The following REEP3 variants were observed in gnomAD, a reference collection of about 807,000 sequenced individuals.
REEP3 encodes receptor expression-enhancing protein 3.
A neutral mutation model predicts 41.3 loss-of-function variants in REEP3; 20 were observed. The observed-to-expected ratio is 0.48, with a 90% CI of 0.34 to 0.70. The LOEUF (loss-of-function observed/expected upper bound fraction) is 0.70. Ranked by LOEUF, REEP3 falls within the 30% of genes least tolerant of loss-of-function variation. REEP3 has a pLI of 0.01. For synonymous variants in REEP3, 104 were observed against 101.8 expected, an observed-to-expected ratio of 1.02 and a Z score of -0.13; for missense variants, 271 against 308.8, an observed-to-expected ratio of 0.88 and a Z score of 0.92.
chr10:63,594,972 CA>C, intron 3 of REEP3, 118 bp downstream of exon 3: 1 of 710,822 alleles, frequency 1.4e-6, no homozygotes, highest in Non-Finnish European at 2.5e-6. Flanking sequence ...ATTATCCACC[CA>C]TTTGTTTTTG....
chr10:63,604,542 TA>T (rs1372052852), intron 5 of REEP3, among the ~76,000 whole-genome samples: 5 of 152,192 alleles, frequency 3.3e-5, no homozygotes, highest in African/African-American at 1.2e-4. Flanking sequence ...TGTTGAAATC[TA>T]ATTAACTTTA....
intron 1 of REEP3, among the ~76,000 whole-genome samples, chr10:63,545,680 GTTTTTTTTTTT>G (rs55779021): frequency 2.0e-4 from 11 of 55,414 alleles, no homozygotes; most frequent in Admixed American, 8.9e-4. Flanking sequence ...GCCAACTTCT[GTTTTTTTTTTT>G]TTTTTTTTTT....
intron 5 of REEP3, among the ~76,000 whole-genome samples, chr10:63,602,142 G>A (rs1311894226): frequency 6.6e-6 from 1 of 151,930 alleles, no homozygotes; most frequent in Non-Finnish European, 1.5e-5. Context: ...CATTAACTCT[G>A]GGGAAAAAAG....
At chr10:63,590,950 C>T (rs1242932561) in intron 2 of REEP3, among the ~76,000 whole-genome samples, 1 of 152,128 alleles carries the variant, frequency 6.6e-6, no homozygotes, top group Admixed American at 6.5e-5. Context: ...CTTCTATTTA[C>T]ATATTTTAAC....
intron 6 of REEP3, among the ~76,000 whole-genome samples, chr10:63,616,111 G>A (rs932650748): frequency 1.3e-5 from 2 of 151,964 alleles, no homozygotes; most frequent in African/African-American, 4.8e-5. Flanking sequence ...GCTCTCTGAC[G>A]AAGTCCAAAC....
intron 1 of REEP3, among the ~76,000 whole-genome samples, chr10:63,557,941 G>T (rs936006107): frequency 3.3e-5 from 5 of 152,122 alleles, no homozygotes; most frequent in African/African-American, 1.2e-4. Flanking sequence ...ATGGAAGGAA[G>T]GCATCAATTT....
At chr10:63,562,748 A>G (rs1955753702) in intron 1 of REEP3, among the ~76,000 whole-genome samples, 1 of 152,254 alleles carries the variant, frequency 6.6e-6, no homozygotes, top group Admixed American at 6.5e-5. Flanking sequence ...AACTAAAAAT[A>G]TGGAGAGATG....
At chr10:63,540,957 C>T (rs1292535846) in intron 1 of REEP3, among the ~76,000 whole-genome samples, 1 of 152,046 alleles carries the variant, frequency 6.6e-6, no homozygotes, top group East Asian at 1.9e-4. Flanking sequence ...TCTTCTTTCT[C>T]TACTAATAAT....
chr10:63,586,413 C>T (rs1332016544), intron 2 of REEP3, among the ~76,000 whole-genome samples: 1 of 152,120 alleles, frequency 6.6e-6, no homozygotes, highest in Non-Finnish European at 1.5e-5. Flanking sequence ...ATTATAAGAG[C>T]ATATTTCCTT....
chr10:63,555,275 G>T (rs1490038850), intron 1 of REEP3, among the ~76,000 whole-genome samples: 1 of 152,098 alleles, frequency 6.6e-6, no homozygotes, highest in Non-Finnish European at 1.5e-5. Context: ...CCATGGGTTT[G>T]ACTCTTTCTC....
At chr10:63,605,781 A>G (rs987521894) in intron 5 of REEP3, among the ~76,000 whole-genome samples, 1 of 152,164 alleles carries the variant, frequency 6.6e-6, no homozygotes, top group Non-Finnish European at 1.5e-5. Context: ...CAGATGTCCT[A>G]GTGCCCTTGG....
intron 1 of REEP3, among the ~76,000 whole-genome samples, chr10:63,563,712 G>A (rs1408984219): frequency 6.6e-6 from 1 of 151,520 alleles, no homozygotes; most frequent in African/African-American, 2.4e-5. Context: ...CTAAAAAGTG[G>A]ACAAAAAAGA....
At chr10:63,537,544 C>A (rs1012994482) in intron 1 of REEP3, among the ~76,000 whole-genome samples, 5 of 152,146 alleles carry the variant, frequency 3.3e-5, no homozygotes, top group Non-Finnish European at 5.9e-5. Flanking sequence ...GTCATATATT[C>A]TTTTCCTTTA....
At chr10:63,615,717 G>A (rs1268192003) in intron 6 of REEP3, among the ~76,000 whole-genome samples, 1 of 151,860 alleles carries the variant, frequency 6.6e-6, no homozygotes, top group Admixed American at 6.6e-5. Flanking sequence ...GCTAAGTTTT[G>A]TATTTTTAAG....
intron 1 of REEP3, among the ~76,000 whole-genome samples, chr10:63,546,561 C>T (rs1174063554): frequency 6.6e-6 from 1 of 152,136 alleles, no homozygotes; most frequent in Non-Finnish European, 1.5e-5. Context: ...GAACAAAATA[C>T]TGGGATGCCG....
At chr10:63,610,410 G>A (rs757545784) in intron 6 of REEP3, 76 bp downstream of exon 6, 26 of 1,375,170 alleles carry the variant, frequency 1.9e-5, no homozygotes, top group South Asian at 1.5e-4. Flanking sequence ...GGGGCCTGTC[G>A]GGGGGTGGGG....
At chr10:63,605,061 C>T (rs943500969) in intron 5 of REEP3, among the ~76,000 whole-genome samples, 5 of 151,990 alleles carry the variant, frequency 3.3e-5, no homozygotes, top group African/African-American at 7.3e-5. Context: ...AAGCACAGGA[C>T]GTTCCCCACA....
At chr10:63,536,336 A>T (rs1955474009) in intron 1 of REEP3, among the ~76,000 whole-genome samples, 1 of 152,206 alleles carries the variant, frequency 6.6e-6, no homozygotes, top group African/African-American at 2.4e-5. Context: ...TCACCCTATC[A>T]AGATTCAGTT....
At chr10:63,522,758 AT>A (rs1172365633) in intron 1 of REEP3, among the ~76,000 whole-genome samples, 1 of 152,146 alleles carries the variant, frequency 6.6e-6, no homozygotes, top group Non-Finnish European at 1.5e-5. Context: ...AGCATTCAAA[AT>A]TTTTCATTTG....
Sources: gnomAD v4.1 joint callset for allele counts (sites outside exome capture counted in the v4.1 genomes callset) on GRCh38, gnomAD v4.1.1 for gene constraint, MANE v1.5 for transcripts, NCBI Gene and HGNC (gene_info 2026-07-23, HGNC 2026-07-21) for gene names.